Variants in ITPR1 observed in about 807,000 individuals in gnomAD.
ITPR1 encodes inositol 1,4,5-trisphosphate-gated calcium channel ITPR1.
In ITPR1, 96 loss-of-function variants were observed where a neutral mutation model predicts 318.4. The observed-to-expected ratio is 0.30, with a 90% CI of 0.26 to 0.36. The LOEUF is 0.36. Ranked by LOEUF, ITPR1 falls within the 10% of genes least tolerant of loss-of-function variation. The pLI, the probability that ITPR1 is intolerant of heterozygous loss-of-function variation, is 1.00. For missense variants in ITPR1, 2,440 were observed against 3,460.2 expected, an observed-to-expected ratio of 0.71 and a Z score of 7.40; for synonymous variants, 1,312 against 1,289.9, an observed-to-expected ratio of 1.02 and a Z score of -0.37.
intron 56 of ITPR1, 37 bp from the exon 57 acceptor site, chr3:4,813,105 C>A: frequency 6.6e-7 from 1 of 1,506,838 alleles, no homozygotes; most frequent in Non-Finnish European, 9.2e-7. Flanking sequence ...CATATGCTGC[C>A]AGATTGTTCA....
intron 21 of ITPR1, among the ~76,000 whole-genome samples, 166 bp downstream of exon 21, chr3:4,673,553 A>G (rs2094128057): frequency 6.6e-6 from 1 of 152,166 alleles, no homozygotes. Context: ...AGAATGTGAA[A>G]GATGGCATGA....
chr3:4,603,618 C>T (rs776032068), intron 4 of ITPR1, among the ~76,000 whole-genome samples: 25 of 152,190 alleles, frequency 1.6e-4, no homozygotes, highest in Middle Eastern at 6.8e-3. Flanking sequence ...TTAGTAGAGA[C>T]AGGGTTTCAC....
intron 61 of ITPR1, among the ~76,000 whole-genome samples, chr3:4,838,987 T>C (rs9311419): frequency 0.9 from 136,939 of 152,288 alleles, 61,698 homozygotes; most frequent in South Asian, 0.96. Context: ...TACAAACCAT[T>C]GAGCCTCATC....
intron 50 of ITPR1, 123 bp from the exon 51 acceptor site, chr3:4,783,693 C>T: frequency 1.3e-6 from 1 of 789,668 alleles, no homozygotes; most frequent in Non-Finnish European, 2.2e-6. Context: ...CCTCGTGGCA[C>T]CTTTGCCCTT....
At chr3:4,662,005 C>T (rs2093845371) in intron 14 of ITPR1, 77 bp from the exon 15 acceptor site, 6 of 1,293,600 alleles carry the variant, frequency 4.6e-6, no homozygotes, top group Admixed American at 3.8e-5. Flanking sequence ...GCCAGTGTCT[C>T]GTAAATGTAG....
chr3:4,833,087 C>T (rs879192803), intron 60 of ITPR1, among the ~76,000 whole-genome samples: 1 of 152,184 alleles, frequency 6.6e-6, no homozygotes, highest in African/African-American at 2.4e-5. Context: ...AGATCCTCAG[C>T]GCTCAACCCC....
chr3:4,658,668 A>G (rs2093766291), intron 13 of ITPR1, among the ~76,000 whole-genome samples: 1 of 151,950 alleles, frequency 6.6e-6, no homozygotes, highest in Admixed American at 6.5e-5. Context: ...ATTCTACAAG[A>G]TAAAATACCT....
intron 60 of ITPR1, among the ~76,000 whole-genome samples, chr3:4,831,912 C>G (rs1319146726): frequency 6.6e-6 from 1 of 152,224 alleles, no homozygotes; most frequent in Non-Finnish European, 1.5e-5. Context: ...GATTTAGATT[C>G]TCTGTGCAGA....
chr3:4,843,330 A>G (rs938164421), intron 61 of ITPR1, among the ~76,000 whole-genome samples: 6 of 152,198 alleles, frequency 3.9e-5, no homozygotes, highest in Non-Finnish European at 8.8e-5. Context: ...GAAAAATAAT[A>G]TATGTACACA....
chr3:4,609,788 T>C (rs1016096170), intron 4 of ITPR1, among the ~76,000 whole-genome samples: 1 of 152,188 alleles, frequency 6.6e-6, no homozygotes, highest in African/African-American at 2.4e-5. Context: ...ACGTATTCAA[T>C]GGACAACATA....
Position 4,710,038 on chromosome 3 carries a change from G to A in ITPR1, c.4843-287G>A, listed in dbSNP as rs114838346. 0.017 allele frequency among the ~76,000 whole-genome samples: 2,606 copies of A among 152,178 alleles called. 75 individuals are homozygous for A. The highest frequency in any genetic ancestry group is 0.056 in the African/African-American group (2,321 of 41,504). Reference sequence around the variant, plus strand: ...CCATGTTGTTAAATTGATTTTTTGCGTCATATTTTAAGCTACATGCAGTGG... The same window carrying A: ...CCATGTTGTTAAATTGATTTTTTGCATCATATTTTAAGCTACATGCAGTGG... On this transcript the variant is annotated intron_variant, in intron 37 of 61. Transcript: ENST00000649015. The surrounding 1 kb of genome is among the most constrained non-coding windows in gnomAD (Gnocchi z 4.2).
At position 4,779,323 on chromosome 3, in the gene ITPR1, G is replaced by T. The variant is rs988679426; in HGVS notation, c.6292-227G>T. Reference sequence around the variant, plus strand: ...AACACACATGCCCTGACAAATATGTGCCTCTTTGTCCGAAATCAGATTCTG... The same window carrying T: ...AACACACATGCCCTGACAAATATGTTCCTCTTTGTCCGAAATCAGATTCTG... On this transcript the variant is annotated intron_variant, in intron 48 of 61. Transcript: ENST00000649015. The surrounding 1 kb of genome is among the most constrained non-coding windows in gnomAD (Gnocchi z 4.0). Among the ~76,000 whole-genome samples, 1 of 152,242 alleles carries T rather than the reference G, an allele frequency of 6.6e-6. No homozygotes were observed. Among genetic ancestry groups the T allele is most frequent in the African/African-American group, 2.4e-5 (1 of 41,472 alleles).
chr3:4,721,054 A>C (rs1460708291), intron 40 of ITPR1, among the ~76,000 whole-genome samples: 1 of 151,372 alleles, frequency 6.6e-6, no homozygotes, highest in East Asian at 1.9e-4. Context: ...ACTGGCAACC[A>C]CAGAGCAAAC....
chr3:4,652,101 C>G (rs1368379211), intron 10 of ITPR1, 22 bp from the exon 11 acceptor site: 1 of 1,572,010 alleles, frequency 6.4e-7, no homozygotes, highest in African/African-American at 1.3e-5. Flanking sequence ...ATTTCATTGA[C>G]TCCTGTTGAT....
Position 4,683,430 on chromosome 3 carries a change from C to G in ITPR1, c.3206C>G (p.Thr1069Ser). The change falls in exon 27 of 62, where the codon ACC (threonine) becomes AGC (serine). Residue 1069 changes from threonine (T) to serine (S), a missense_variant. Physicochemically the swap from Thr to Ser is moderately conservative, Grantham distance 58. Transcript: ENST00000649015. ...GACTTGGATGACCACGGCGGCAGAA[C>G]CTTTCTCCGTGTCCTGCTCCACTTG... is the stretch of plus-strand genomic sequence containing the variant. ...PLDLDDHGGRTFLRVLLHLTM... is the reference protein window; with the variant it reads ...PLDLDDHGGRSFLRVLLHLTM... 6.2e-7 allele frequency: 1 copy of G among 1,614,052 alleles called. No homozygotes were observed. The highest frequency in any genetic ancestry group is 8.5e-7 in the Non-Finnish European group (1 of 1,179,898).
chr3:4,803,560 C>CAG (rs1450474042), intron 54 of ITPR1, among the ~76,000 whole-genome samples: 1 of 152,132 alleles, frequency 6.6e-6, no homozygotes, highest in Non-Finnish European at 1.5e-5. Flanking sequence ...ACCAGAACTA[C>CAG]AGAGAGAGAT....
At chr3:4,705,050 G>A (rs1025325805) in intron 36 of ITPR1, among the ~76,000 whole-genome samples, 1 of 151,980 alleles carries the variant, frequency 6.6e-6, no homozygotes, top group Non-Finnish European at 1.5e-5. Context: ...GTTTTTAAAT[G>A]GGATTTAAAT....
chr3:4,708,809 G>GT (rs1221735715), intron 37 of ITPR1, among the ~76,000 whole-genome samples: 56 of 152,190 alleles, frequency 3.7e-4, no homozygotes, highest in Admixed American at 3.6e-3. Flanking sequence ...TGCAGCAAAA[G>GT]TTGTAATATA....
chr3:4,765,673 T>TC (rs2045771269), intron 44 of ITPR1, among the ~76,000 whole-genome samples: 1 of 151,822 alleles, frequency 6.6e-6, no homozygotes, highest in African/African-American at 2.4e-5. Context: ...GTTTTTTTTT[T>TC]CTCTGGAAAT....
Sources: allele counts gnomAD v4.1 joint callset (sites outside exome capture counted in the v4.1 genomes callset), GRCh38; gene constraint gnomAD v4.1.1; non-coding constraint Gnocchi (gnomAD v3.1); transcripts MANE v1.5; gene names NCBI Gene and HGNC (gene_info 2026-07-23, HGNC 2026-07-21).